SFSWAP: variants seen among roughly 807,000 people sequenced by gnomAD.
SFSWAP encodes splicing factor, suppressor of white-apricot homolog.
In SFSWAP, 17 loss-of-function variants were observed where a neutral mutation model predicts 100.7. The observed-to-expected ratio is 0.17, with a 90% CI of 0.12 to 0.25. The LOEUF (loss-of-function observed/expected upper bound fraction) is 0.25. Among genes scored for constraint, SFSWAP ranks in the 10% least tolerant of loss-of-function variants. The probability of loss-of-function intolerance (pLI) is 1.00; values close to 1 mark genes in which losing one functional copy is unlikely to be tolerated. For missense variants in SFSWAP, 1,005 were observed against 1,262.6 expected, an observed-to-expected ratio of 0.80 and a Z score of 3.09; for synonymous variants, 504 against 510.1, an observed-to-expected ratio of 0.99 and a Z score of 0.16.
intron 13 of SFSWAP, among the ~76,000 whole-genome samples, chr12:131,769,315 TTAAG>T (rs981281361): frequency 2.0e-5 from 3 of 152,042 alleles, no homozygotes; most frequent in Non-Finnish European, 4.4e-5. Flanking sequence ...GGAAGGGAAT[TTAAG>T]AAAGTAAGGG....
At chr12:131,752,699 G>A (rs1423022085) in intron 7 of SFSWAP, among the ~76,000 whole-genome samples, 1 of 152,222 alleles carries the variant, frequency 6.6e-6, no homozygotes, top group African/African-American at 2.4e-5. Flanking sequence ...TGTCAGCGCG[G>A]GGAGCTAGCC....
intron 13 of SFSWAP, 150 bp downstream of exon 13, chr12:131,766,458 C>A: frequency 1.4e-6 from 1 of 737,382 alleles, no homozygotes; most frequent in Non-Finnish European, 2.2e-6. Context: ...GTGGCTTTTA[C>A]TCTATAGCAG....
At chr12:131,712,633 C>G (rs1319141941) in intron 1 of SFSWAP, 1 of 152,164 alleles carries the variant, frequency 6.6e-6, no homozygotes, top group African/African-American at 2.4e-5. Context: ...CCATCCCTGA[C>G]GTTTCCTTTT....
intron 1 of SFSWAP, chr12:131,713,078 TG>T: frequency 6.6e-6 from 1 of 152,354 alleles, no homozygotes; most frequent in South Asian, 2.1e-4. Context: ...ATGTCTTTTT[TG>T]GTCTACATTA....
chr12:131,745,205 C>T (rs1348105570), intron 7 of SFSWAP, among the ~76,000 whole-genome samples: 1 of 152,182 alleles, frequency 6.6e-6, no homozygotes, highest in African/African-American at 2.4e-5. Flanking sequence ...GGGCTTACAT[C>T]TTAAGGAGTT....
intron 3 of SFSWAP, among the ~76,000 whole-genome samples, chr12:131,717,010 A>G (rs1877980439): frequency 6.6e-6 from 1 of 152,120 alleles, no homozygotes; most frequent in African/African-American, 2.4e-5. Flanking sequence ...TGCCTTATAT[A>G]CTGATTAATT....
At chr12:131,748,425 G>T (rs148357421) in intron 7 of SFSWAP, among the ~76,000 whole-genome samples, 2,329 of 152,248 alleles carry the variant, frequency 0.015, 58 homozygotes, top group African/African-American at 0.052. Context: ...CTCCCAAAGT[G>T]CTGGGATGAC....
At chr12:131,791,749 A>G (rs1398505172) in intron 15 of SFSWAP, among the ~76,000 whole-genome samples, 2 of 152,236 alleles carry the variant, frequency 1.3e-5, no homozygotes, top group African/African-American at 4.8e-5. Flanking sequence ...CTCAAAAAAC[A>G]AAAAGAAAGA....
Position 131,747,565 on chromosome 12 carries a change from A to C in SFSWAP, c.1082-5558A>C, listed in dbSNP as rs898476397. 4.6e-5 allele frequency among the ~76,000 whole-genome samples: 7 copies of C among 152,172 alleles called. No homozygotes were observed. The East Asian group carries it at 1.2e-3, about 25-fold the overall frequency. On this transcript the variant is annotated intron_variant, in intron 7 of 17. Transcript: ENST00000261674. ...GGAGGGATTCAGGCAGAAACTGTGG[A>C]GGCAAGGGTGGAAAACCCGGGGCAG...
intron 7 of SFSWAP, among the ~76,000 whole-genome samples, chr12:131,749,736 T>C (rs1566025597): frequency 6.6e-6 from 1 of 152,222 alleles, no homozygotes; most frequent in Non-Finnish European, 1.5e-5. Context: ...AAACACTTAC[T>C]GAGGGCCTGC....
intron 7 of SFSWAP, among the ~76,000 whole-genome samples, chr12:131,741,063 C>T (rs182567977): frequency 6.0e-4 from 86 of 142,526 alleles, no homozygotes; most frequent in Non-Finnish European, 1.1e-3. Flanking sequence ...ACCTCCACCT[C>T]CTGGGTTCAA....
intron 13 of SFSWAP, among the ~76,000 whole-genome samples, chr12:131,773,424 T>G (rs989047511): frequency 6.6e-6 from 1 of 151,322 alleles, no homozygotes; most frequent in Non-Finnish European, 1.5e-5. Context: ...ACTGCAGCCT[T>G]GACCTCCCGG....
At chr12:131,771,650 C>CTTT (rs398021691) in intron 13 of SFSWAP, among the ~76,000 whole-genome samples, 62 of 86,098 alleles carry the variant, frequency 7.2e-4, no homozygotes, top group African/African-American at 1.8e-3. Flanking sequence ...GCTAATGTCT[C>CTTT]TTTTTTTTTT....
chr12:131,754,495 C>A lies in SFSWAP; in HGVS notation c.1450C>A (p.Gln484Lys). Residue 484 changes from glutamine to lysine, a missense_variant, in exon 9 of 18, where the codon CAA becomes AAA. Physicochemically the swap from Gln to Lys is moderately conservative, Grantham distance 53. Coordinates refer to ENST00000261674, the MANE Select transcript of SFSWAP (RefSeq NM_004592.4). ...FETSVRAKND[Q>K]RFEFLQPWHQ... ...GACCAGTGTTCGTGCCAAGAATGAT[C>A]AAAGGTCAGAAGAAGAATTTTATAT... 1 of 1,577,142 alleles carries A rather than the reference C, an allele frequency of 6.3e-7. No homozygotes were observed. The highest frequency in any genetic ancestry group is 1.2e-5 in the South Asian group (1 of 86,294).
intron 9 of SFSWAP, among the ~76,000 whole-genome samples, 178 bp from the exon 10 acceptor site, chr12:131,755,208 C>T (rs560976284): frequency 2.0e-5 from 3 of 152,232 alleles, no homozygotes; most frequent in South Asian, 2.1e-4. Context: ...TGTGTAACCC[C>T]GGGCAAGCGA....
intron 7 of SFSWAP, among the ~76,000 whole-genome samples, chr12:131,747,075 G>T (rs1448124306): frequency 1.5e-5 from 2 of 135,854 alleles, no homozygotes; most frequent in African/African-American, 2.8e-5. Context: ...CTGCACTCCA[G>T]CCTGGGCAAC....
intron 16 of SFSWAP, among the ~76,000 whole-genome samples, chr12:131,797,644 T>C (rs1321436455): frequency 6.6e-6 from 1 of 152,208 alleles, no homozygotes; most frequent in Non-Finnish European, 1.5e-5. Context: ...CACACGTGCC[T>C]GATGCCCACC....
rs561635019 is a variant in SFSWAP at position 131,786,864 on chromosome 12, TG to T, written c.2534+279del. The stretch of plus-strand genomic sequence containing the variant: ...CTTTCCACTGTGCTGGTACCTCGGC[TG>T]GGTCCACATGCAGCTGCTGCCCCTC... On this transcript the variant is annotated intron_variant, in intron 15 of 17. Coordinates refer to ENST00000261674, the MANE Select transcript of SFSWAP (RefSeq NM_004592.4). 2.6e-3 allele frequency among the ~76,000 whole-genome samples: 397 copies of T among 152,302 alleles called. 1 individual carries two copies. The highest frequency in any genetic ancestry group is 9.1e-3 in the African/African-American group (378 of 41,564).
In SFSWAP at chr12:131,799,291, C is replaced by G. The variant is rs1041951100; in HGVS notation, c.2791-132C>G. 5 of 1,088,770 alleles carry G rather than the reference C, an allele frequency of 4.6e-6. No individual in the cohort carries two copies. In the African/African-American group the frequency reaches 7.8e-5, roughly 17 times the overall value. 67.4% of individuals were successfully genotyped at this position (1,088,770 alleles called of 1,614,324 possible). A position where few individuals can be genotyped will look rare whatever the true frequency, so the allele number is the denominator to read the frequency against. On this transcript the variant is annotated intron_variant, in intron 17 of 17. Coordinates refer to ENST00000261674, the MANE Select transcript of SFSWAP (RefSeq NM_004592.4). The stretch of plus-strand genomic sequence containing the variant: ...CCGTGTGGCCCGCACCCTGCACAGC[C>G]AGGCTCCTCCGCCGCCCCCACGGTG...
Sources: gnomAD v4.1 joint callset for allele counts (sites outside exome capture counted in the v4.1 genomes callset) on GRCh38, gnomAD v4.1.1 for gene constraint, MANE v1.5 for transcripts, NCBI Gene and HGNC (gene_info 2026-07-23, HGNC 2026-07-21) for gene names.